Variants in EPG5 observed in about 807,000 individuals in gnomAD.
EPG5 encodes the protein ectopic P-granules 5 autophagy tethering factor, also known as ectopic P granules protein 5 homolog.
A neutral mutation model predicts 302.7 loss-of-function variants in EPG5; 159 were observed. The observed-to-expected ratio is 0.53, with a 90% CI of 0.46 to 0.60. The LOEUF (loss-of-function observed/expected upper bound fraction) is 0.60. EPG5 is among the 20% of genes least tolerant of loss of function. EPG5 has a pLI of 0.00. For missense variants in EPG5, 2,896 were observed against 3,092.4 expected (o/e 0.94, Z 1.51); for synonymous variants, 1,158 against 1,136.8 (o/e 1.02, Z -0.37).
Position 45,887,736 on chromosome 18 carries a change from T to C in EPG5, c.5109+15A>G, listed in dbSNP as rs765213554. 2.6e-6 allele frequency: 4 copies of C among 1,529,488 alleles called. No individual in the cohort carries two copies. The highest frequency in any genetic ancestry group is 1.8e-5 in the Admixed American group (1 of 55,658). The allele number at this position is 1,529,488 out of a possible 1,614,324, so 94.7% of individuals were successfully genotyped here. On this transcript the variant is annotated intron_variant, in intron 29 of 43. Transcript: ENST00000282041. ...CTCATTATCTGATCAAGGCAAAAGG[T>C]ACAGATAGCCTTACCTGTCCCAAGA... is the stretch of plus-strand genomic sequence containing the variant.
the EPG5 span, among the ~76,000 whole-genome samples, chr18:45,811,085 T>A: frequency 6.6e-6 from 1 of 152,232 alleles, no homozygotes; most frequent in East Asian, 1.9e-4. Flanking sequence ...GTTGAAAGCA[T>A]TCCCTCTGAG....
At position 45,870,593 on chromosome 18, in the gene EPG5, GGTCA is replaced by G; in HGVS notation, c.6195_6198del (p.Asp2066ArgfsTer50). ...TTGAAGAAGGCCTCCATGAGCATCTGGTCAGGGTGCAGGTCCTTCCATGGCAGTT... is the reference window on the plus strand; with the variant it reads ...TTGAAGAAGGCCTCCATGAGCATCTGGGGTGCAGGTCCTTCCATGGCAGTT... On this transcript the variant is annotated frameshift_variant, in exon 36 of 44. Transcript: ENST00000282041. LOFTEE classifies it high-confidence loss of function. 6.2e-7 allele frequency: 1 copy of G among 1,613,872 alleles called. No individual in the cohort carries two copies. Among genetic ancestry groups the G allele is most frequent in the Non-Finnish European group, 8.5e-7 (1 of 1,179,868 alleles).
chr18:45,916,185 G>T lies in EPG5; in HGVS notation c.3406C>A (p.Gln1136Lys). The T allele has an allele frequency of 6.2e-7, 1 of 1,613,616 alleles. No individual in the cohort carries two copies. The highest frequency in any genetic ancestry group is 2.2e-5 in the East Asian group (1 of 44,884). The change falls in exon 19 of 44, where the codon CAG becomes AAG. Residue 1136 changes from glutamine to lysine, a missense_variant. Coordinates refer to ENST00000282041, the MANE Select transcript of EPG5 (RefSeq NM_020964.3). The part of the protein sequence containing the change: ...MIQAHISVST[Q>K]PNEVGPVAVL... The stretch of plus-strand genomic sequence containing the variant: ...GCAACGGGGCCCACTTCATTGGGCT[G>T]AGTGCTTACAGATATGTGTGCCTGT...
the EPG5 span, chr18:45,837,923 G>C: frequency 1.4e-5 from 20 of 1,464,334 alleles, no homozygotes; most frequent in South Asian, 1.6e-4. Context: ...GCGGGTCCCC[G>C]GCCTCCCTTC....
rs1200008383 is a variant in EPG5 at position 45,955,104 on chromosome 18, T to C, written c.298A>G (p.Thr100Ala). The C allele has an allele frequency of 1.2e-6, 2 of 1,614,064 alleles. No individual in the cohort carries two copies. Among genetic ancestry groups the C allele is most frequent in the Non-Finnish European group, 1.7e-6 (2 of 1,179,952 alleles). Residue 100 changes from threonine (T) to alanine (A), a missense_variant, in exon 2 of 44, where the codon ACA (threonine) becomes GCA (alanine). By Grantham distance (58) the Thr-to-Ala change is moderately conservative. Coordinates refer to ENST00000282041, the MANE Select transcript of EPG5 (RefSeq NM_020964.3). ...ISNEESLTCN[T>A]EPPKEGGEAR... The stretch of plus-strand genomic sequence containing the variant: ...TCTCCCCCTTCCTTTGGGGGCTCTG[T>C]GTTACACGTCAGGGACTCTTCATTG...
chr18:45,884,501 T>C (rs2049175966), intron 30 of EPG5, 116 bp downstream of exon 30: 6 of 902,528 alleles, frequency 6.6e-6, no homozygotes, highest in Non-Finnish European at 9.8e-6. Flanking sequence ...AAAAGGCCTC[T>C]CAGCCTCTGC....
At position 45,876,253 on chromosome 18, in the gene EPG5, A is replaced by C. The variant is rs1021132710; in HGVS notation, c.6032T>G (p.Leu2011Arg). ...CTTCCTACCTTTAAAACTCTCATGC[A>C]GTGAGTCAATACAGTCAGTGAACAG... Reference protein sequence around the residue: ...VQLFTDCIDSLHESFKDKLLP... With the variant: ...VQLFTDCIDSRHESFKDKLLP... The change falls in exon 35 of 44, where the codon CTG (leucine) becomes CGG (arginine). Residue 2011 changes from leucine to arginine, a missense_variant. Coordinates refer to ENST00000282041, the MANE Select transcript of EPG5 (RefSeq NM_020964.3). The C allele has an allele frequency of 6.2e-7, 1 of 1,612,828 alleles. No individual in the cohort carries two copies. The highest frequency in any genetic ancestry group is 8.5e-7 in the Non-Finnish European group (1 of 1,178,938).
intron 1 of EPG5, among the ~76,000 whole-genome samples, chr18:45,962,107 C>T (rs1019441989): frequency 3.3e-5 from 5 of 151,982 alleles, no homozygotes; most frequent in East Asian, 1.9e-4. Flanking sequence ...GAATAGTTTT[C>T]GGAACATAAT....
At chr18:45,846,476 G>T (rs901250437), downstream of EPG5, among the ~76,000 whole-genome samples, 12 of 136,384 alleles carry the variant, frequency 8.8e-5, no homozygotes, top group African/African-American at 2.8e-4. Flanking sequence ...GGCCGAGATC[G>T]CGCCACTGCA....
intron 36 of EPG5, among the ~76,000 whole-genome samples, chr18:45,869,156 TTAAAA>T (rs1400584629): frequency 1.3e-5 from 2 of 152,192 alleles, no homozygotes; most frequent in African/African-American, 2.4e-5. Context: ...TCTAATTTGT[TTAAAA>T]TAAAACATGG....
chr18:45,823,108 G>A, the EPG5 span, among the ~76,000 whole-genome samples: 1 of 152,182 alleles, frequency 6.6e-6, no homozygotes, highest in Admixed American at 6.5e-5. Flanking sequence ...GACTTCCTAG[G>A]AGAGGTGACC....
chr18:45,889,621 A>C (rs1378768793), intron 28 of EPG5, among the ~76,000 whole-genome samples, 177 bp downstream of exon 28: 2 of 152,174 alleles, frequency 1.3e-5, no homozygotes, highest in Non-Finnish European at 2.9e-5. Context: ...GTTGCAATAA[A>C]ACTTTATTTA....
the EPG5 span, chr18:45,838,004 C>T: frequency 2.5e-5 from 33 of 1,319,912 alleles, no homozygotes; most frequent in African/African-American, 3.0e-4. Context: ...GGAAGGGCAA[C>T]GAGACCCAGC....
rs184318568 is a variant in EPG5 at position 45,927,094 on chromosome 18, G to A, written c.2554-1192C>T. 1.5e-3 allele frequency among the ~76,000 whole-genome samples: 221 copies of A among 149,784 alleles called. 3 individuals carry two copies. The East Asian group carries it at 0.038, about 26-fold the overall frequency. On this transcript the variant is annotated intron_variant, in intron 13 of 43. Coordinates refer to ENST00000282041, the MANE Select transcript of EPG5 (RefSeq NM_020964.3). ...GTAGCCCAGGCTGGAGTGCAGTGGC[G>A]TGATCTCAGCTCACTGCAAGCTCCG...
intron 24 of EPG5, among the ~76,000 whole-genome samples, chr18:45,906,978 A>AT (rs1232052031): frequency 6.6e-6 from 1 of 152,172 alleles, no homozygotes; most frequent in Non-Finnish European, 1.5e-5. Context: ...ACAAAATGTA[A>AT]TAACTGTTTG....
chr18:45,839,086 C>T, the EPG5 span: 5 of 1,422,562 alleles, frequency 3.5e-6, no homozygotes, highest in Non-Finnish European at 4.5e-6. Flanking sequence ...CGCTGCCCGC[C>T]GCCGCCCAGG....
intron 1 of EPG5, among the ~76,000 whole-genome samples, chr18:45,963,713 T>C (rs1226382250): frequency 6.6e-6 from 1 of 152,144 alleles, no homozygotes; most frequent in Non-Finnish European, 1.5e-5. Context: ...AGAGGCAAGA[T>C]CATACAGAGC....
chr18:45,922,750 T>C, intron 15 of EPG5, 150 bp from the exon 16 acceptor site: 1 of 962,376 alleles, frequency 1.0e-6, no homozygotes, highest in South Asian at 1.7e-5. Flanking sequence ...CTGCACTACA[T>C]CAAAGCAATT....
chr18:45,816,352 G>C, the EPG5 span, among the ~76,000 whole-genome samples: 1 of 152,028 alleles, frequency 6.6e-6, no homozygotes, highest in Non-Finnish European at 1.5e-5. Flanking sequence ...TCAACCCACA[G>C]AGAGAGAAAA....
Sources: allele counts gnomAD v4.1 joint callset (sites outside exome capture counted in the v4.1 genomes callset), GRCh38; gene constraint gnomAD v4.1.1; transcripts MANE v1.5; gene names NCBI Gene and HGNC (gene_info 2026-07-23, HGNC 2026-07-21).